TNKS: variants seen among roughly 807,000 people sequenced by gnomAD.
TNKS encodes tankyrase.
In TNKS, 72 loss-of-function variants were observed where a neutral mutation model predicts 135.8. That is an observed-to-expected ratio of 0.53 (90% CI 0.44 to 0.64). TNKS has a LOEUF of 0.64. Ranked by LOEUF, TNKS falls within the 30% of genes least tolerant of loss-of-function variation. The pLI is 0.00. For synonymous variants in TNKS, 849 were observed against 649.3 expected, an observed-to-expected ratio of 1.31 and a Z score of -4.68; for missense variants, 1,769 against 1,674.0, an observed-to-expected ratio of 1.06 and a Z score of -0.99.
chr8:9,746,648 C>A (rs1806250096), intron 17 of TNKS, among the ~76,000 whole-genome samples: 1 of 152,112 alleles, frequency 6.6e-6, no homozygotes, highest in Non-Finnish European at 1.5e-5. Flanking sequence ...ATCCCCTATT[C>A]CATTTCGTAA....
chr8:9,752,496 A>G (rs1304290318), intron 19 of TNKS, 48 bp from the exon 20 acceptor site: 31 of 1,440,996 alleles, frequency 2.2e-5, no homozygotes, highest in Non-Finnish European at 2.7e-5. Context: ...AATTTTCTTT[A>G]TATTTAGAGA....
At chr8:9,707,237 T>G (rs900960093) in intron 8 of TNKS, among the ~76,000 whole-genome samples, 13 of 152,176 alleles carry the variant, frequency 8.5e-5, no homozygotes, top group Admixed American at 6.5e-4. Flanking sequence ...CCTTTTTTGG[T>G]TTTTTGAAGG....
intron 26 of TNKS, among the ~76,000 whole-genome samples, chr8:9,770,650 T>G (rs1807774560): frequency 6.6e-6 from 1 of 152,182 alleles, no homozygotes; most frequent in Non-Finnish European, 1.5e-5. Flanking sequence ...AAAAACAATT[T>G]GTCTGAATGT....
intron 1 of TNKS, chr8:9,557,445 C>T (rs1238194496): frequency 6.7e-6 from 1 of 148,770 alleles, no homozygotes; most frequent in African/African-American, 2.5e-5. Flanking sequence ...CTCAAAGACA[C>T]CTAATAATAT....
chr8:9,636,906 A>G (rs1210053203), intron 3 of TNKS, among the ~76,000 whole-genome samples: 1 of 152,192 alleles, frequency 6.6e-6, no homozygotes, highest in African/African-American at 2.4e-5. Flanking sequence ...GGAAAACATC[A>G]GGCCTACTTA....
At chr8:9,748,350 C>T (rs767329234) in intron 18 of TNKS, 138 bp downstream of exon 18, 1 of 668,110 alleles carries the variant, frequency 1.5e-6, no homozygotes, top group Non-Finnish European at 2.2e-6. Flanking sequence ...TTGAAGTTCA[C>T]ACTTTTTCTA....
chr8:9,662,454 A>G (rs977674935), intron 3 of TNKS, among the ~76,000 whole-genome samples: 4 of 152,206 alleles, frequency 2.6e-5, no homozygotes, highest in Non-Finnish European at 4.4e-5. Context: ...AGGGACATGG[A>G]TGAAGCTGGA....
chr8:9,612,782 C>G (rs568115386), intron 2 of TNKS, among the ~76,000 whole-genome samples: 35 of 152,252 alleles, frequency 2.3e-4, no homozygotes, highest in African/African-American at 8.2e-4. Context: ...TCGAATGTAA[C>G]TTTCTCCCAC....
Position 9,710,146 on chromosome 8 carries a change from A to G in TNKS, c.1675A>G (p.Met559Val). 5 of 1,614,164 alleles carry G rather than the reference A, an allele frequency of 3.1e-6. No homozygotes were observed. Among genetic ancestry groups the G allele is most frequent in the Non-Finnish European group, 3.4e-6 (4 of 1,180,004 alleles). Residue 559 changes from methionine to valine, a missense_variant, in exon 11 of 27, where the codon ATG becomes GTG. By Grantham distance (21) the Met-to-Val change is conservative. This residue lies in a region of TNKS where 523 missense variants were observed against 541.0 expected (regional missense o/e 0.97). Transcript: ENST00000310430. The part of the protein sequence containing the change: ...ANVNEKNKDF[M>V]TPLHVAAERA... ...TTTCTTTCCTCTTTTCTGTAGTTTCATGACTCCCCTGCATGTTGCAGCCGA... is the reference window on the plus strand; with the variant it reads ...TTTCTTTCCTCTTTTCTGTAGTTTCGTGACTCCCCTGCATGTTGCAGCCGA...
At chr8:9,763,369 CA>C in intron 22 of TNKS, 125 bp downstream of exon 22, 2 of 492,032 alleles carry the variant, frequency 4.1e-6, no homozygotes, top group Non-Finnish European at 6.7e-6. Flanking sequence ...CTGTCTTAGC[CA>C]CTGTGGTAGA....
At chr8:9,597,339 A>C (rs778412638) in intron 2 of TNKS, among the ~76,000 whole-genome samples, 1 of 152,216 alleles carries the variant, frequency 6.6e-6, no homozygotes, top group Non-Finnish European at 1.5e-5. Flanking sequence ...GTTGCCACAC[A>C]AGACTATTTT....
chr8:9,600,728 C>T (rs929612341), intron 2 of TNKS, among the ~76,000 whole-genome samples: 2 of 152,028 alleles, frequency 1.3e-5, no homozygotes, highest in Non-Finnish European at 2.9e-5. Context: ...TAATTTGTTC[C>T]AAGTATGCTA....
chr8:9,581,341 C>T (rs946348533), intron 2 of TNKS, among the ~76,000 whole-genome samples: 1 of 152,084 alleles, frequency 6.6e-6, no homozygotes, highest in African/African-American at 2.4e-5. Flanking sequence ...TGTCATTATC[C>T]TTTGCTACTT....
intron 2 of TNKS, among the ~76,000 whole-genome samples, chr8:9,585,042 A>G (rs1437097828): frequency 1.3e-5 from 2 of 152,204 alleles, no homozygotes; most frequent in East Asian, 3.9e-4. Flanking sequence ...AGGACTGCTA[A>G]AGGAGTCAGG....
At chr8:9,674,317 G>C (rs1404567160) in intron 3 of TNKS, among the ~76,000 whole-genome samples, 1 of 152,124 alleles carries the variant, frequency 6.6e-6, no homozygotes, top group Non-Finnish European at 1.5e-5. Context: ...GGCAGAGCTA[G>C]AACTCATTCT....
intron 1 of TNKS, chr8:9,558,463 T>C (rs910081759): frequency 6.6e-6 from 1 of 152,216 alleles, no homozygotes; most frequent in Admixed American, 6.5e-5. Context: ...GTGTCTACTT[T>C]TGCATACTTT....
intron 7 of TNKS, 79 bp from the exon 8 acceptor site, chr8:9,706,732 A>G: frequency 7.3e-7 from 1 of 1,368,640 alleles, no homozygotes. Context: ...TGAAATTTAC[A>G]AAGAAATAAA....
intron 26 of TNKS, among the ~76,000 whole-genome samples, chr8:9,776,018 C>T (rs987410022): frequency 1.3e-5 from 2 of 152,110 alleles, no homozygotes; most frequent in East Asian, 3.8e-4. Flanking sequence ...AAGAAGAACT[C>T]TTCCCATTCC....
rs768225469 is a variant in TNKS, at chr8:9,764,840, A to C, written c.3447+50A>C. 5.5e-6 allele frequency: 8 copies of C among 1,462,536 alleles called. No homozygotes were observed. In the South Asian group the frequency reaches 1.0e-4, roughly 19 times the overall value. The allele number at this position is 1,462,536 out of a possible 1,614,324, so 90.6% of individuals were successfully genotyped here. ...AAAACTGGATTGCAAGGCTTGCCTA[A>C]AAACCAAATCTAGACAATGAAAAAA... On this transcript the variant is annotated intron_variant, in intron 23 of 26. Transcript: ENST00000310430.
Sources: allele counts gnomAD v4.1 joint callset (sites outside exome capture counted in the v4.1 genomes callset), GRCh38; gene constraint gnomAD v4.1.1; regional missense constraint gnomAD v4.1.1; transcripts MANE v1.5; gene names NCBI Gene and HGNC (gene_info 2026-07-23, HGNC 2026-07-21).